Variants in PDE7B observed in about 807,000 individuals in gnomAD.
PDE7B encodes 3',5'-cyclic-AMP phosphodiesterase 7B.
PDE7B carries 29 observed loss-of-function variants against 56.2 expected under a neutral mutation model. The observed-to-expected ratio is 0.52, with a 90% CI of 0.38 to 0.70. The LOEUF (loss-of-function observed/expected upper bound fraction) is 0.70. PDE7B is among the 30% of genes least tolerant of loss of function. PDE7B has a pLI of 0.00. For missense variants in PDE7B, 490 were observed against 565.0 expected, an observed-to-expected ratio of 0.87 and a Z score of 1.35; for synonymous variants, 197 against 196.9, an observed-to-expected ratio of 1.00 and a Z score of 0.00.
intron 4 of PDE7B, 141 bp downstream of exon 4, chr6:136,147,643 G>T (rs965200315): frequency 1.9e-5 from 11 of 593,748 alleles, no homozygotes; most frequent in Non-Finnish European, 2.4e-5. Context: ...ATCTGGACTT[G>T]TTCCTCTAAT....
intron 1 of PDE7B, among the ~76,000 whole-genome samples, chr6:135,906,823 T>G (rs1483777409): frequency 2.7e-5 from 4 of 146,512 alleles, no homozygotes; most frequent in African/African-American, 7.6e-5. Flanking sequence ...TTTTTTTTTT[T>G]TTTTTTTTTT....
chr6:136,147,573 G>T, intron 4 of PDE7B, 71 bp downstream of exon 4: 3 of 1,311,654 alleles, frequency 2.3e-6, no homozygotes, highest in Non-Finnish European at 3.3e-6. Flanking sequence ...GATAGCACTG[G>T]TGTTGGAGTC....
intron 3 of PDE7B, among the ~76,000 whole-genome samples, chr6:136,114,615 A>G (rs760985312): frequency 2.2e-4 from 33 of 152,130 alleles, no homozygotes; most frequent in Admixed American, 3.9e-4. Flanking sequence ...CCTGTCACCT[A>G]TAAGAACTAC....
intron 2 of PDE7B, among the ~76,000 whole-genome samples, chr6:136,095,377 A>T (rs1777456041): frequency 1.3e-5 from 2 of 152,268 alleles, no homozygotes; most frequent in African/African-American, 4.8e-5. Context: ...GAATACTCTT[A>T]AAAATAAAAT....
intron 2 of PDE7B, among the ~76,000 whole-genome samples, chr6:135,972,117 C>G (rs1177024146): frequency 1.3e-5 from 2 of 151,258 alleles, no homozygotes; most frequent in Non-Finnish European, 2.9e-5. Flanking sequence ...ACCTGTAATC[C>G]CAGCTGCTTG....
At chr6:136,018,517 A>G (rs1404693716) in intron 2 of PDE7B, among the ~76,000 whole-genome samples, 2 of 152,206 alleles carry the variant, frequency 1.3e-5, no homozygotes, top group Non-Finnish European at 2.9e-5. Context: ...AAGAAGGCCA[A>G]CACTTGGCAT....
intron 2 of PDE7B, chr6:136,044,481 A>C (rs934257180): frequency 6.6e-6 from 1 of 152,180 alleles, no homozygotes; most frequent in Non-Finnish European, 1.5e-5. Context: ...TCTTGTTTTT[A>C]ATGGAATCCT....
intron 2 of PDE7B, among the ~76,000 whole-genome samples, chr6:136,090,035 T>C (rs1205005930): frequency 6.6e-6 from 1 of 152,204 alleles, no homozygotes; most frequent in African/African-American, 2.4e-5. Context: ...CCCTCTGAGA[T>C]ACCGAAAGAC....
intron 1 of PDE7B, among the ~76,000 whole-genome samples, chr6:135,938,779 G>A (rs192727963): frequency 2.3e-4 from 35 of 152,248 alleles, no homozygotes; most frequent in Admixed American, 2.1e-3. Flanking sequence ...GGGATACGAG[G>A]AGATCTTAGC....
chr6:136,070,845 T>A (rs566590423), intron 2 of PDE7B, among the ~76,000 whole-genome samples: 1 of 152,164 alleles, frequency 6.6e-6, no homozygotes, highest in African/African-American at 2.4e-5. Context: ...TAAAACAAAC[T>A]ACTTGGGCTT....
At chr6:135,899,460 G>A (rs1775961528) in intron 1 of PDE7B, among the ~76,000 whole-genome samples, 1 of 150,800 alleles carries the variant, frequency 6.6e-6, no homozygotes, top group Non-Finnish European at 1.5e-5. Context: ...AGATCTATAT[G>A]TAAACTTGCA....
chr6:136,137,892 T>C (rs369775709), intron 3 of PDE7B, among the ~76,000 whole-genome samples: 5 of 152,228 alleles, frequency 3.3e-5, no homozygotes, highest in Admixed American at 2.0e-4. Flanking sequence ...TATGTAGATA[T>C]CTGTGATATT....
chr6:136,038,788 A>G (rs1356346901), intron 2 of PDE7B, among the ~76,000 whole-genome samples: 1 of 152,208 alleles, frequency 6.6e-6, no homozygotes, highest in Admixed American at 6.5e-5. Context: ...GGCTTGCACA[A>G]GCCAAATTTC....
intron 2 of PDE7B, among the ~76,000 whole-genome samples, chr6:136,060,154 CCTT>C (rs1776813092): frequency 6.6e-6 from 1 of 152,196 alleles, no homozygotes; most frequent in Non-Finnish European, 1.5e-5. Flanking sequence ...ATATATCCCT[CCTT>C]CTTCTTTAGC....
Position 135,954,600 on chromosome 6 carries a change from T to A in PDE7B, c.82+7076T>A, listed in dbSNP as rs549455309. ...CCCTCTGCTAGGAGTACTCTGAAAG[T>A]TGATATAATAATGAGCAAGGTAGAA... On this transcript the variant is annotated intron_variant, in intron 2 of 12. Transcript: ENST00000308191. Among the ~76,000 whole-genome samples the A allele has an allele frequency of 2.0e-5, 3 of 152,238 alleles. No individual in the cohort carries two copies. The South Asian group carries it at 6.2e-4, about 32-fold the overall frequency.
chr6:136,015,459 G>T (rs982791059), intron 2 of PDE7B, among the ~76,000 whole-genome samples: 1 of 152,144 alleles, frequency 6.6e-6, no homozygotes. Context: ...TTACAAATTT[G>T]CTACAACTAA....
rs562057437 is a variant in PDE7B at position 135,883,145 on chromosome 6, A to G, written c.21+31126A>G. 2.0e-5 allele frequency among the ~76,000 whole-genome samples: 3 copies of G among 152,306 alleles called. No individual in the cohort carries two copies. In the East Asian group the frequency reaches 5.8e-4, roughly 29 times the overall value. On this transcript the variant is annotated intron_variant, in intron 1 of 12. Transcript: ENST00000308191. ...TTAAATCTTGTCACTGATCTTGAGG[A>G]ATGGCTTAGTCATACACAATTTATG...
chr6:136,144,119 A>G (rs1778375393), intron 3 of PDE7B, among the ~76,000 whole-genome samples: 1 of 152,126 alleles, frequency 6.6e-6, no homozygotes, highest in Non-Finnish European at 1.5e-5. Context: ...TTCATTCTAT[A>G]TAGAGCTATC....
chr6:135,933,929 T>C (rs1301753245), intron 1 of PDE7B, among the ~76,000 whole-genome samples: 2 of 152,182 alleles, frequency 1.3e-5, no homozygotes, highest in Non-Finnish European at 2.9e-5. Flanking sequence ...ATGCCCCTGG[T>C]CAGTCTTTAA....
Sources: allele counts gnomAD v4.1 joint callset (sites outside exome capture counted in the v4.1 genomes callset), GRCh38; gene constraint gnomAD v4.1.1; transcripts MANE v1.5; gene names NCBI Gene and HGNC (gene_info 2026-07-23, HGNC 2026-07-21).